Variants in PLXDC2 observed in about 807,000 individuals in gnomAD.
PLXDC2 encodes plexin domain containing 2.
In PLXDC2, 40 loss-of-function variants were observed where a neutral mutation model predicts 68.9. The ratio of observed to expected loss-of-function variants is 0.58; its 90% CI spans 0.45 to 0.76. The LOEUF is 0.76. PLXDC2 is among the 30% of genes least tolerant of loss of function. PLXDC2 has a pLI of 0.00. For missense variants in PLXDC2, 644 were observed against 661.9 expected (o/e 0.97, Z 0.30); for synonymous variants, 243 against 234.2 (o/e 1.04, Z -0.34).
chr10:20,190,898 A>T (rs1426570103), intron 9 of PLXDC2, among the ~76,000 whole-genome samples: 1 of 151,850 alleles, frequency 6.6e-6, no homozygotes, highest in African/African-American at 2.4e-5. Context: ...TCGAAATATG[A>T]CTATTTTATA....
At chr10:19,886,335 A>C (rs144120457) in intron 1 of PLXDC2, among the ~76,000 whole-genome samples, 7 of 152,268 alleles carry the variant, frequency 4.6e-5, no homozygotes, top group Non-Finnish European at 1.0e-4. Flanking sequence ...TCCTGATTGA[A>C]TACCCTTTAT....
rs139418776 is a variant in PLXDC2 at position 20,242,511 on chromosome 10, A to G, written c.1313-2834A>G. ...GAAGACCAGACAGATGAGGTCATTT[A>G]TTATAGCCTCATTTGATTTTTATTG... On this transcript the variant is annotated intron_variant, in intron 12 of 13. Transcript: ENST00000377252. 9.4e-4 allele frequency among the ~76,000 whole-genome samples: 143 copies of G among 152,300 alleles called. 1 individual carries two copies. Among genetic ancestry groups the G allele is most frequent in the African/African-American group, 3.4e-3 (141 of 41,568 alleles).
rs148045858 is a variant in PLXDC2 at position 20,197,602 on chromosome 10, C to T, written c.1062-14067C>T. Among the ~76,000 whole-genome samples the T allele has an allele frequency of 8.6e-3, 1,311 of 152,252 alleles. 8 individuals carry two copies. Among genetic ancestry groups the T allele is most frequent in the Middle Eastern group, 0.024 (7 of 294 alleles). On this transcript the variant is annotated intron_variant, in intron 9 of 13. Coordinates refer to ENST00000377252, the MANE Select transcript of PLXDC2 (RefSeq NM_032812.9). ...TGATCTCTTGACCTCGTGATCCACC[C>T]ACCTTGGCCTCCCAAAGTGCTGGGA... is the stretch of plus-strand genomic sequence containing the variant.
chr10:19,912,818 A>G (rs947626968), intron 1 of PLXDC2, among the ~76,000 whole-genome samples: 1 of 152,182 alleles, frequency 6.6e-6, no homozygotes, highest in Non-Finnish European at 1.5e-5. Context: ...CTAGCTAGAC[A>G]GTGGATTTTT....
chr10:20,007,593 C>T (rs1025012933), intron 2 of PLXDC2, among the ~76,000 whole-genome samples: 1 of 152,184 alleles, frequency 6.6e-6, no homozygotes. Context: ...CATATTAGTA[C>T]AGTTTCATGA....
At chr10:20,238,662 A>AAAAAATATATATATATGTAT (rs1175526348) in intron 12 of PLXDC2, among the ~76,000 whole-genome samples, 2 of 31,720 alleles carry the variant, frequency 6.3e-5, no homozygotes, top group African/African-American at 2.1e-4. Flanking sequence ...TCTCAAAAAA[A>AAAAAATATATATATATGTAT]ATATATATAT....
In PLXDC2 at chr10:19,962,862, T is replaced by C. The variant is rs1589558552; in HGVS notation, c.113-38913T>C. On this transcript the variant is annotated intron_variant, in intron 1 of 13. Coordinates refer to ENST00000377252, the MANE Select transcript of PLXDC2 (RefSeq NM_032812.9). The stretch of plus-strand genomic sequence containing the variant: ...AAAATTAGCCGGGCTTGGTGGCTGG[T>C]GCCTGTAGTCCCAGCTGCTCGGGAG... Among the ~76,000 whole-genome samples the C allele has an allele frequency of 2.0e-5, 3 of 150,610 alleles. No homozygotes were observed. In the South Asian group the frequency reaches 6.3e-4, roughly 32 times the overall value.
intron 1 of PLXDC2, among the ~76,000 whole-genome samples, chr10:19,898,339 C>T (rs751384439): frequency 3.9e-5 from 6 of 152,122 alleles, no homozygotes; most frequent in Non-Finnish European, 8.8e-5. Flanking sequence ...ATATAATAAT[C>T]ATCAGGTTTG....
At chr10:20,031,369 A>G (rs1180016175) in intron 2 of PLXDC2, among the ~76,000 whole-genome samples, 1 of 149,208 alleles carries the variant, frequency 6.7e-6, no homozygotes. Context: ...GATCCTATTA[A>G]AAAAAAAAAG....
At chr10:19,912,741 A>T (rs990457466) in intron 1 of PLXDC2, among the ~76,000 whole-genome samples, 2 of 152,168 alleles carry the variant, frequency 1.3e-5, no homozygotes, top group South Asian at 4.1e-4. Flanking sequence ...GCCTATGAAC[A>T]TAAAAATTGA....
At chr10:20,061,106 G>A (rs4338431) in intron 3 of PLXDC2, among the ~76,000 whole-genome samples, 117,748 of 152,170 alleles carry the variant, frequency 0.77, 45,884 homozygotes, top group East Asian at 0.9. Flanking sequence ...TTATATACTC[G>A]TGGTACCATT....
At chr10:20,003,110 AG>A (rs1834969896) in intron 2 of PLXDC2, among the ~76,000 whole-genome samples, 1 of 152,174 alleles carries the variant, frequency 6.6e-6, no homozygotes, top group South Asian at 2.1e-4. Flanking sequence ...AAGGCCTCAA[AG>A]GTGGTGTTAT....
chr10:19,977,669 T>A (rs1400425891), intron 1 of PLXDC2, among the ~76,000 whole-genome samples: 1 of 152,118 alleles, frequency 6.6e-6, no homozygotes, highest in Non-Finnish European at 1.5e-5. Context: ...CCAGCAGATT[T>A]GATGTCTGGT....
Position 20,138,499 on chromosome 10 carries a change from A to G in PLXDC2, c.542-4796A>G, listed in dbSNP as rs1009148500. 3.3e-5 allele frequency among the ~76,000 whole-genome samples: 5 copies of G among 152,250 alleles called. No homozygotes were observed. In the East Asian group the frequency reaches 7.7e-4, roughly 23 times the overall value. ...TGTAACATTTGGAATTGCGAGACCTATACTACCCATGTGGCTTTAGGCAAA... is the reference window on the plus strand; with the variant it reads ...TGTAACATTTGGAATTGCGAGACCTGTACTACCCATGTGGCTTTAGGCAAA... On this transcript the variant is annotated intron_variant, in intron 4 of 13. Coordinates refer to ENST00000377252, the MANE Select transcript of PLXDC2 (RefSeq NM_032812.9).
chr10:20,135,595 T>A (rs191654661), intron 4 of PLXDC2, among the ~76,000 whole-genome samples: 1 of 152,308 alleles, frequency 6.6e-6, no homozygotes, highest in East Asian at 1.9e-4. Context: ...TTTGTTTGTT[T>A]TTTGTCTATC....
At chr10:20,088,425 A>G (rs1833229549) in intron 4 of PLXDC2, among the ~76,000 whole-genome samples, 1 of 152,198 alleles carries the variant, frequency 6.6e-6, no homozygotes, top group Non-Finnish European at 1.5e-5. Context: ...TTTAGTGAAC[A>G]GCTGTTACTC....
chr10:19,928,915 C>T (rs1339087519), intron 1 of PLXDC2, among the ~76,000 whole-genome samples: 2 of 151,656 alleles, frequency 1.3e-5, no homozygotes, highest in Non-Finnish European at 2.9e-5. Context: ...CCACCATGTC[C>T]AGCTAATTTT....
At chr10:20,245,645 T>A (rs1835584344) in intron 13 of PLXDC2, 140 bp downstream of exon 13, 2 of 939,656 alleles carry the variant, frequency 2.1e-6, no homozygotes, top group African/African-American at 1.7e-5. Context: ...ACATGGATGT[T>A]GTCCCCCATG....
At chr10:20,007,173 T>C (rs1377395678) in intron 2 of PLXDC2, among the ~76,000 whole-genome samples, 1 of 152,192 alleles carries the variant, frequency 6.6e-6, no homozygotes, top group Non-Finnish European at 1.5e-5. Flanking sequence ...TATGTGTAAA[T>C]GAGCAGGGCA....
Sources: allele counts gnomAD v4.1 joint callset (sites outside exome capture counted in the v4.1 genomes callset), GRCh38; gene constraint gnomAD v4.1.1; transcripts MANE v1.5; gene names NCBI Gene and HGNC (gene_info 2026-07-23, HGNC 2026-07-21).